PITPNM2: variants seen among roughly 807,000 people sequenced by gnomAD.
PITPNM2 encodes phosphatidylinositol transfer protein membrane associated 2, also known as membrane-associated phosphatidylinositol transfer protein 2.
A neutral mutation model predicts 132.2 loss-of-function variants in PITPNM2; 35 were observed. The observed-to-expected ratio is 0.26, with a 90% CI of 0.20 to 0.35. PITPNM2 has a LOEUF of 0.35. Ranked by LOEUF, PITPNM2 falls within the 10% of genes least tolerant of loss-of-function variation. The pLI is 1.00. For missense variants in PITPNM2, 1,332 were observed against 1,912.0 expected (o/e 0.70, Z 5.66); for synonymous variants, 738 against 799.2 (o/e 0.92, Z 1.29).
chr12:123,030,558 T>C (rs1460925435), intron 3 of PITPNM2, among the ~76,000 whole-genome samples: 1 of 151,878 alleles, frequency 6.6e-6, no homozygotes, highest in African/African-American at 2.4e-5. Context: ...CCAGGGGTGG[T>C]GGCACGCGCC....
chr12:122,991,635 C>T (rs1325949765), intron 16 of PITPNM2: 4 of 1,091,304 alleles, frequency 3.7e-6, no homozygotes, highest in Non-Finnish European at 4.7e-6. Context: ...AGTCTCTGTT[C>T]CTCACCACCC....
chr12:123,134,481 C>T (rs1262423445), intron 1 of PITPNM2, among the ~76,000 whole-genome samples: 1 of 152,126 alleles, frequency 6.6e-6, no homozygotes, highest in Admixed American at 6.5e-5. Context: ...AAATGGGCTT[C>T]GCATGAGTCA....
chr12:123,011,085 C>T (rs149719557), intron 5 of PITPNM2, among the ~76,000 whole-genome samples: 1 of 152,234 alleles, frequency 6.6e-6, no homozygotes, highest in East Asian at 1.9e-4. Flanking sequence ...TGTGCTCACT[C>T]CCGAGGCACA....
In PITPNM2 at chr12:123,111,867, G is replaced by A. The variant is rs552704135; in HGVS notation, c.-199-1379C>T. Among the ~76,000 whole-genome samples the A allele has an allele frequency of 3.9e-5, 6 of 152,300 alleles. No individual in the cohort carries two copies. The highest frequency in any genetic ancestry group is 2.1e-4 in the South Asian group (1 of 4,822). On this transcript the variant is annotated intron_variant, in intron 1 of 25. Coordinates refer to ENST00000320201, the MANE Select transcript of PITPNM2 (RefSeq NM_020845.3). The surrounding 1 kb of genome is among the most constrained non-coding windows in gnomAD (Gnocchi z 4.1). ...TCCAGCCTTGCCTCTACATGCCACC[G>A]TAGGCCACAGTTGAGGCCAGCAACT... is the stretch of plus-strand genomic sequence containing the variant.
intron 1 of PITPNM2, among the ~76,000 whole-genome samples, chr12:123,138,431 C>A (rs954220613): frequency 5.3e-5 from 8 of 152,046 alleles, no homozygotes; most frequent in African/African-American, 1.9e-4. Flanking sequence ...CAGAGAGAGA[C>A]CCTGTTTCAA....
chr12:123,064,239 G>A lies in PITPNM2; in HGVS notation c.-95-29554C>T, dbSNP rs1269625838. 2.0e-5 allele frequency among the ~76,000 whole-genome samples: 3 copies of A among 152,206 alleles called. No homozygotes were observed. Among genetic ancestry groups the A allele is most frequent in the Non-Finnish European group, 4.4e-5 (3 of 68,032 alleles). On this transcript the variant is annotated intron_variant, in intron 2 of 25. Transcript: ENST00000320201. This position sits in a 1 kb window ranked among gnomAD's most constrained non-coding sequence, Gnocchi z 4.0. ...AGACGCACTCTCCCCACTCCAAATTGGAAAATGGAAACCAAGAGAGCGACA... is the reference window on the plus strand; with the variant it reads ...AGACGCACTCTCCCCACTCCAAATTAGAAAATGGAAACCAAGAGAGCGACA...
chr12:123,000,716 C>T lies in PITPNM2; in HGVS notation c.1224+62G>A. 1 of 1,556,378 alleles carries T rather than the reference C, an allele frequency of 6.4e-7. No individual in the cohort carries two copies. On this transcript the variant is annotated intron_variant, in intron 10 of 25. Coordinates refer to ENST00000320201, the MANE Select transcript of PITPNM2 (RefSeq NM_020845.3). This position sits in a 1 kb window ranked among gnomAD's most constrained non-coding sequence, Gnocchi z 5.4. ...ACCTCTGTAACCCCTCAGACTATTC[C>T]TCTGCACCCTGCCCCTCCCTTGGCG...
intron 3 of PITPNM2, among the ~76,000 whole-genome samples, chr12:123,033,212 G>A (rs1446644241): frequency 6.6e-6 from 1 of 152,376 alleles, no homozygotes; most frequent in Middle Eastern, 3.4e-3. Flanking sequence ...ATGCCCAGAG[G>A]AGCCAGAGCC....
chr12:122,995,301 T>G (rs1281597655), intron 14 of PITPNM2, 88 bp downstream of exon 14: 1 of 1,492,822 alleles, frequency 6.7e-7, no homozygotes, highest in East Asian at 2.3e-5. Context: ...AGCCCGGGTC[T>G]CCTGTTGGCC....
chr12:123,094,802 TG>T, intron 2 of PITPNM2, among the ~76,000 whole-genome samples: 1 of 152,134 alleles, frequency 6.6e-6, no homozygotes, highest in Non-Finnish European at 1.5e-5. Context: ...TCGAAGGCCT[TG>T]GACTGACCGA....
At position 123,000,861 on chromosome 12, in the gene PITPNM2, A is replaced by C; in HGVS notation, c.1154-13T>G. ...CGGTACAGACCATCTGCAAAGACAC[A>C]GAAGCCGTGCTGTGAGCTGAGGGGC... On this transcript the variant is annotated splice_polypyrimidine_tract_variant and intron_variant, in intron 9 of 25. Coordinates refer to ENST00000320201, the MANE Select transcript of PITPNM2 (RefSeq NM_020845.3). This position sits in a 1 kb window ranked among gnomAD's most constrained non-coding sequence, Gnocchi z 5.4. 27 of 1,614,000 alleles carry C rather than the reference A, an allele frequency of 1.7e-5. No homozygotes were observed. The highest frequency in any genetic ancestry group is 2.2e-5 in the Non-Finnish European group (26 of 1,180,018).
In PITPNM2 at chr12:123,077,430, C is replaced by T. The variant is rs931046671; in HGVS notation, c.-96+32955G>A. 6.6e-6 allele frequency among the ~76,000 whole-genome samples: 1 copy of T among 152,236 alleles called. No homozygotes were observed. Among genetic ancestry groups the T allele is most frequent in the East Asian group, 1.9e-4 (1 of 5,204 alleles). On this transcript the variant is annotated intron_variant, in intron 2 of 25. Transcript: ENST00000320201. This position sits in a 1 kb window ranked among gnomAD's most constrained non-coding sequence, Gnocchi z 4.8. ...AGAGCCCTGCCCCATCTAGGGCGCA[C>T]GTGCATGCCTCTGAATTTCCTCCCC...
chr12:123,133,423 A>C (rs1008546242), intron 1 of PITPNM2, among the ~76,000 whole-genome samples: 36 of 152,216 alleles, frequency 2.4e-4, no homozygotes, highest in South Asian at 4.1e-4. Flanking sequence ...GACCCTGAAC[A>C]AATACATTGA....
chr12:123,140,434 G>A (rs1203028757), intron 1 of PITPNM2, among the ~76,000 whole-genome samples: 1 of 152,130 alleles, frequency 6.6e-6, no homozygotes, highest in Non-Finnish European at 1.5e-5. Flanking sequence ...TCTTTAATGA[G>A]TCAGAGAACA....
At chr12:123,012,812 TG>T in intron 4 of PITPNM2, 78 bp from the exon 5 acceptor site, 1 of 1,557,354 alleles carries the variant, frequency 6.4e-7, no homozygotes, top group South Asian at 1.2e-5. Flanking sequence ...GTTGACCCAC[TG>T]GGTAGGAGTG....
intron 3 of PITPNM2, chr12:123,021,629 C>A (rs1419781625): frequency 1.0e-6 from 1 of 973,934 alleles, no homozygotes; most frequent in Non-Finnish European, 1.2e-6. Context: ...GAAGACCATT[C>A]CCCTTGAACA....
chr12:123,060,327 C>G (rs929532652), intron 2 of PITPNM2, among the ~76,000 whole-genome samples: 1 of 152,324 alleles, frequency 6.6e-6, no homozygotes, highest in African/African-American at 2.4e-5. Context: ...CACCCTCACC[C>G]GTGAGGACCC....
chr12:123,129,255 G>A (rs556105476), intron 1 of PITPNM2, among the ~76,000 whole-genome samples: 80 of 152,094 alleles, frequency 5.3e-4, no homozygotes, highest in African/African-American at 1.6e-3. Context: ...GGGCAACATG[G>A]GAGTCCTGTC....
At chr12:123,145,611 T>G (rs1044572292) in intron 1 of PITPNM2, among the ~76,000 whole-genome samples, 7 of 152,214 alleles carry the variant, frequency 4.6e-5, no homozygotes, top group African/African-American at 1.7e-4. Context: ...GATTTTTCCA[T>G]GCTCTCTCTC....
Sources: allele counts gnomAD v4.1 joint callset (sites outside exome capture counted in the v4.1 genomes callset), GRCh38; gene constraint gnomAD v4.1.1; non-coding constraint Gnocchi (gnomAD v3.1); transcripts MANE v1.5; gene names NCBI Gene and HGNC (gene_info 2026-07-23, HGNC 2026-07-21).